Variants in RNASEH2B observed in about 807,000 individuals in gnomAD.
The protein encoded by RNASEH2B is ribonuclease H2 subunit B.
Under a neutral mutation model 45.0 loss-of-function variants are expected in RNASEH2B, and 36 were observed. The observed-to-expected ratio is 0.80, with a 90% confidence interval of 0.61 to 1.06. The LOEUF (loss-of-function observed/expected upper bound fraction) is 1.06, where lower values mean the gene tolerates loss of function less well. RNASEH2B is among the 50% of genes least tolerant of loss of function. RNASEH2B has a pLI of 0.00. For missense variants in RNASEH2B, 361 were observed against 360.3 expected (o/e 1.00, Z -0.02); for synonymous variants, 119 against 125.7 (o/e 0.95, Z 0.35).
At chr13:50,935,137 C>T in intron 5 of RNASEH2B, 138 bp downstream of exon 5, 1 of 683,438 alleles carries the variant, frequency 1.5e-6, no homozygotes, top group Non-Finnish European at 2.7e-6. Flanking sequence ...TTTGCTAACA[C>T]TGCCAGCACT....
At chr13:50,948,199 T>G in intron 8 of RNASEH2B, 131 bp downstream of exon 8, 1 of 1,433,592 alleles carries the variant, frequency 7.0e-7, no homozygotes, top group Non-Finnish European at 9.3e-7. Flanking sequence ...TGTCATATAC[T>G]TTGTGCTTTG....
chr13:50,960,773 G>A (rs560585257), downstream of RNASEH2B, among the ~76,000 whole-genome samples: 1 of 152,148 alleles, frequency 6.6e-6, no homozygotes, highest in Non-Finnish European at 1.5e-5. Flanking sequence ...CTGCTGTTAG[G>A]CTTTAGCGTT....
At chr13:50,968,955 C>T (rs1952191865) in intron 9 of RNASEH2B, among the ~76,000 whole-genome samples, 1 of 152,144 alleles carries the variant, frequency 6.6e-6, no homozygotes, top group African/African-American at 2.4e-5. Flanking sequence ...TGTTTGAAAT[C>T]AGAATACTTG....
At chr13:50,930,906 C>T in intron 4 of RNASEH2B, 147 bp downstream of exon 4, 2 of 714,684 alleles carry the variant, frequency 2.8e-6, no homozygotes, top group South Asian at 2.9e-5. Flanking sequence ...TCATATGGGC[C>T]AGTGCAGGAC....
Position 50,963,363 on chromosome 13 carries a change from C to T in RNASEH2B, c.742-6569C>T, listed in dbSNP as rs577107847. ...ATTTTTAGTAGAGATGGGGTTTCTCCATGTTGGTCAGGCTGGTCTTGAACT... is the reference window on the plus strand; with the variant it reads ...ATTTTTAGTAGAGATGGGGTTTCTCTATGTTGGTCAGGCTGGTCTTGAACT... On this transcript the variant is annotated intron_variant, in intron 9 of 9. Coordinates refer to the RNASEH2B transcript ENST00000422660. 5.7e-3 allele frequency among the ~76,000 whole-genome samples: 868 copies of T among 152,068 alleles called. 4 individuals are homozygous for T. The highest frequency in any genetic ancestry group is 0.01 in the Non-Finnish European group (681 of 67,950).
intron 1 of RNASEH2B, among the ~76,000 whole-genome samples, chr13:50,920,601 T>C (rs950068191): frequency 6.6e-5 from 10 of 152,214 alleles, no homozygotes; most frequent in Non-Finnish European, 1.2e-4. Context: ...AATACTTTTT[T>C]AGCCAGCATG....
chr13:50,934,725 C>A (rs142546333), intron 4 of RNASEH2B, 160 bp from the exon 5 acceptor site: 480 of 651,004 alleles, frequency 7.4e-4, no homozygotes, highest in African/African-American at 6.6e-3. Context: ...AGCTGGGGTC[C>A]GTCCTAGAGC....
chr13:50,956,334 T>A (rs1295640878), intron 10 of RNASEH2B, 24 bp from the exon 11 acceptor site: 1 of 1,550,708 alleles, frequency 6.4e-7, no homozygotes. Flanking sequence ...CATAACAATT[T>A]TTCTCTCTTA....
intron 1 of RNASEH2B, chr13:50,915,526 T>C: frequency 2.5e-6 from 1 of 398,650 alleles, no homozygotes; most frequent in Non-Finnish European, 4.4e-6. Flanking sequence ...ATTATTCATT[T>C]AAGTGCCATT....
intron 1 of RNASEH2B, among the ~76,000 whole-genome samples, chr13:50,919,838 A>G (rs1352461580): frequency 6.6e-6 from 1 of 152,226 alleles, no homozygotes; most frequent in Non-Finnish European, 1.5e-5. Context: ...TATGTGACCA[A>G]TATAGAGGAC....
intron 5 of RNASEH2B, chr13:50,937,404 T>G (rs901465345): frequency 1.3e-5 from 2 of 152,044 alleles, no homozygotes; most frequent in Middle Eastern, 3.4e-3. Context: ...TCATTTTTTT[T>G]GGAGAGATGA....
chr13:50,957,071 T>A (rs1249728531), downstream of RNASEH2B, among the ~76,000 whole-genome samples: 2 of 152,050 alleles, frequency 1.3e-5, no homozygotes, highest in African/African-American at 4.8e-5. Context: ...TAGAAAGGAA[T>A]TACAGTTACT....
chr13:50,933,171 T>C (rs904117796), intron 4 of RNASEH2B, among the ~76,000 whole-genome samples: 13 of 152,176 alleles, frequency 8.5e-5, no homozygotes, highest in African/African-American at 3.1e-4. Context: ...TAGGATAAAT[T>C]AATGAGCAGA....
chr13:50,945,118 C>T (rs775591570), intron 6 of RNASEH2B, among the ~76,000 whole-genome samples: 3 of 152,152 alleles, frequency 2.0e-5, no homozygotes, highest in Admixed American at 2.0e-4. Flanking sequence ...AAGTAACTAG[C>T]CGTGGTTACA....
exon 10 of RNASEH2B, chr13:50,970,014 A>G (rs1952204880): frequency 6.5e-7 from 1 of 1,531,088 alleles, no homozygotes; most frequent in Non-Finnish European, 8.9e-7. Flanking sequence ...AACTTCAGAC[A>G]CTCCCAGAGG....
intron 1 of RNASEH2B, among the ~76,000 whole-genome samples, chr13:50,919,153 G>A (rs1951485294): frequency 1.3e-5 from 2 of 152,148 alleles, no homozygotes. Context: ...TAAATGCAGT[G>A]AAAAAACTTG....
intron 1 of RNASEH2B, among the ~76,000 whole-genome samples, chr13:50,920,107 C>CACTCTA (rs2137901311): frequency 6.6e-6 from 1 of 152,240 alleles, no homozygotes; most frequent in East Asian, 1.9e-4. Context: ...GATCTCGGCT[C>CACTCTA]ACTCTAACTG....
At chr13:50,929,717 G>C in intron 3 of RNASEH2B, 135 bp downstream of exon 3, 1 of 686,456 alleles carries the variant, frequency 1.5e-6, no homozygotes, top group Non-Finnish European at 2.7e-6. Flanking sequence ...CATGAGAGCA[G>C]GTTTAATCAA....
chr13:50,912,644 G>T (rs547514121), intron 1 of RNASEH2B: 1 of 152,356 alleles, frequency 6.6e-6, no homozygotes, highest in East Asian at 1.9e-4. Flanking sequence ...GAAACGATAT[G>T]CCCTTGGCTG....
Sources: gnomAD v4.1 joint callset for allele counts (sites outside exome capture counted in the v4.1 genomes callset) on GRCh38, gnomAD v4.1.1 for gene constraint, MANE v1.5 for transcripts, NCBI Gene and HGNC (gene_info 2026-07-23, HGNC 2026-07-21) for gene names.